The following PCDH11X variants were observed in gnomAD, a reference collection of about 807,000 sequenced individuals.
PCDH11X encodes protocadherin-11 X-linked.
Under a neutral mutation model 53.3 loss-of-function variants are expected in PCDH11X, and 18 were observed. That is an observed-to-expected ratio of 0.34 (90% CI 0.23 to 0.50). PCDH11X has a LOEUF of 0.50. Ranked by LOEUF, PCDH11X falls within the 20% of genes least tolerant of loss-of-function variation. PCDH11X has a pLI of 0.98. For synonymous variants in PCDH11X, 279 were observed against 393.3 expected, an observed-to-expected ratio of 0.71 and a Z score of 3.44; for missense variants, 570 against 1,032.4, an observed-to-expected ratio of 0.55 and a Z score of 6.14.
chrX:92,384,486 C>T (rs1239236087), intron 8 of PCDH11X, among the ~76,000 whole-genome samples: 5 of 110,445 alleles, frequency 4.5e-5, no homozygotes, highest in Non-Finnish European at 5.7e-5. Context: ...GAGTAATTCA[C>T]GCAGAGTTGG....
chrX:92,475,912 A>T (rs777547361), intron 10 of PCDH11X, among the ~76,000 whole-genome samples: 1 of 111,500 alleles, frequency 9.0e-6, no homozygotes, highest in South Asian at 3.8e-4. Flanking sequence ...CAAATAGCTT[A>T]TCTTCAAGCT....
chrX:92,024,140 A>T (rs958637164), intron 6 of PCDH11X, among the ~76,000 whole-genome samples: 8 of 110,444 alleles, frequency 7.2e-5, no homozygotes, highest in Non-Finnish European at 1.1e-4. Flanking sequence ...CTCCTATTCA[A>T]CATGGTGTTG....
chrX:92,576,126 T>A (rs1383969239), intron 10 of PCDH11X, among the ~76,000 whole-genome samples: 1 of 101,704 alleles, frequency 9.8e-6, no homozygotes, highest in Non-Finnish European at 2.0e-5. Context: ...ATTGACCACT[T>A]CGTCATTATG....
intron 7 of PCDH11X, among the ~76,000 whole-genome samples, chrX:92,228,901 AC>A (rs1425745448): frequency 8.9e-6 from 1 of 111,896 alleles, no homozygotes; most frequent in African/African-American, 3.2e-5. Context: ...TAGACATCAC[AC>A]CAAAAACAAT....
intron 6 of PCDH11X, among the ~76,000 whole-genome samples, chrX:92,185,396 C>A (rs1426470300): frequency 1.8e-5 from 2 of 111,457 alleles, no homozygotes; most frequent in African/African-American, 6.5e-5. Context: ...GGACCCAAAA[C>A]TATAAAACAA....
intron 4 of PCDH11X, chrX:91,835,066 C>A (rs1937245373): frequency 7.0e-6 from 5 of 718,538 alleles, no homozygotes; most frequent in African/African-American, 4.9e-5. Flanking sequence ...CATATTATAA[C>A]AAAGAATAAT....
rs993184989 is a variant in PCDH11X at position 92,622,712 on chromosome X, T to A, written c.*3772T>A. 4.5e-5 allele frequency: 5 copies of A among 110,135 alleles called. No homozygotes were observed. The highest frequency in any genetic ancestry group is 9.8e-5 in the Admixed American group (1 of 10,245). 9.1% of individuals were successfully genotyped at this position (110,135 alleles called of 1,213,427 possible). A position where few individuals can be genotyped will look rare whatever the true frequency, so the allele number is the denominator to read the frequency against. On this transcript the variant is annotated 3_prime_UTR_variant, in exon 11 of 11. Coordinates refer to ENST00000682573, the MANE Select transcript of PCDH11X (RefSeq NM_032968.5). ...AGAACCTTTCTATATTATGTGCCAATTACCACACCAGATCAATTTTATGCA... is the reference window on the plus strand; with the variant it reads ...AGAACCTTTCTATATTATGTGCCAAATACCACACCAGATCAATTTTATGCA...
chrX:92,447,047 G>A (rs1409813267), intron 9 of PCDH11X, among the ~76,000 whole-genome samples: 1 of 111,763 alleles, frequency 8.9e-6, no homozygotes, highest in Non-Finnish European at 1.9e-5. Context: ...ATGATTTAAG[G>A]TATCTAGCAG....
intron 6 of PCDH11X, among the ~76,000 whole-genome samples, chrX:92,165,121 T>C (rs915971971): frequency 1.8e-5 from 2 of 109,993 alleles, no homozygotes; most frequent in Non-Finnish European, 3.8e-5. Flanking sequence ...GATGGTATTA[T>C]AGGATTAAGA....
intron 6 of PCDH11X, among the ~76,000 whole-genome samples, chrX:92,144,098 T>G (rs1399963653): frequency 8.9e-6 from 1 of 111,757 alleles, no homozygotes; most frequent in Non-Finnish European, 1.9e-5. Context: ...ACCCAATACC[T>G]GAACCCCCAT....
At chrX:92,303,346 G>T (rs1199372004) in intron 8 of PCDH11X, among the ~76,000 whole-genome samples, 2 of 110,380 alleles carry the variant, frequency 1.8e-5, no homozygotes, top group Admixed American at 9.7e-5. Flanking sequence ...TAAGATAACA[G>T]CATTGCAGAA....
intron 9 of PCDH11X, chrX:92,459,729 G>T (rs1360604726): frequency 2.7e-6 from 3 of 1,110,668 alleles, no homozygotes; most frequent in Non-Finnish European, 3.7e-6. Flanking sequence ...CTGTCCAGGC[G>T]CCCAGCTACG....
intron 6 of PCDH11X, among the ~76,000 whole-genome samples, chrX:92,159,814 ATTT>A (rs1177460058): frequency 4.2e-4 from 18 of 42,378 alleles, no homozygotes; most frequent in African/African-American, 1.0e-3. Flanking sequence ...AGGTTACCTC[ATTT>A]TTTTTTTTTT....
chrX:92,120,234 C>T (rs1408102787), intron 6 of PCDH11X, among the ~76,000 whole-genome samples: 2 of 100,101 alleles, frequency 2.0e-5, no homozygotes, highest in Non-Finnish European at 4.0e-5. Context: ...GATCTTGGCT[C>T]ACTGCAACCT....
At chrX:92,281,271 C>G (rs760886371) in intron 8 of PCDH11X, among the ~76,000 whole-genome samples, 1 of 111,788 alleles carries the variant, frequency 8.9e-6, no homozygotes, top group Non-Finnish European at 1.9e-5. Context: ...CACATACACA[C>G]GCATACATAC....
chrX:92,194,761 G>C (rs1323574815), intron 6 of PCDH11X, among the ~76,000 whole-genome samples: 1 of 109,645 alleles, frequency 9.1e-6, no homozygotes, highest in Non-Finnish European at 1.9e-5. Context: ...ATGATCACTG[G>C]GTCTTGCTAT....
intron 7 of PCDH11X, among the ~76,000 whole-genome samples, chrX:92,235,167 C>CA (rs1272682950): frequency 3.9e-5 from 4 of 102,639 alleles, no homozygotes; most frequent in South Asian, 4.2e-4. Context: ...AATAAAAGCA[C>CA]AAAATTTTTT....
chrX:92,258,618 C>T (rs1417042837), intron 7 of PCDH11X, among the ~76,000 whole-genome samples: 1 of 111,162 alleles, frequency 9.0e-6, no homozygotes, highest in Non-Finnish European at 1.9e-5. Context: ...CCACCTGCCT[C>T]GGCCTCCCAA....
At chrX:92,210,230 CTTTTTTT>C (rs146233770) in intron 7 of PCDH11X, among the ~76,000 whole-genome samples, 2 of 41,079 alleles carry the variant, frequency 4.9e-5, no homozygotes, top group Non-Finnish European at 8.1e-5. Context: ...AGAAAATGGG[CTTTTTTT>C]TTTTTTTTTT....
Sources: gnomAD v4.1 joint callset for allele counts (sites outside exome capture counted in the v4.1 genomes callset) on GRCh38, gnomAD v4.1.1 for gene constraint, MANE v1.5 for transcripts, NCBI Gene and HGNC (gene_info 2026-07-23, HGNC 2026-07-21) for gene names.